The following STMN4 variants were observed in gnomAD, a reference collection of about 807,000 sequenced individuals.
The protein encoded by STMN4 is stathmin 4.
STMN4 carries 12 observed loss-of-function variants against 29.1 expected under a neutral mutation model. The observed-to-expected ratio is 0.41, with a 90% CI of 0.26 to 0.67. The LOEUF (loss-of-function observed/expected upper bound fraction) is 0.67. STMN4 is among the 30% of genes least tolerant of loss of function. The probability of loss-of-function intolerance (pLI) is 0.30; values close to 1 mark genes in which losing one functional copy is unlikely to be tolerated. For synonymous variants in STMN4, 114 were observed against 105.3 expected (o/e 1.08, Z -0.51); for missense variants, 181 against 262.8 (o/e 0.69, Z 2.15).
chr8:27,247,702 T>C (rs532228643), intron 1 of STMN4, among the ~76,000 whole-genome samples: 2 of 152,348 alleles, frequency 1.3e-5, no homozygotes, highest in South Asian at 2.1e-4. Context: ...AAAGGTGTTA[T>C]GCCCAAGGTC....
At chr8:27,252,797 C>T (rs1247223019) in intron 1 of STMN4, among the ~76,000 whole-genome samples, 1 of 152,174 alleles carries the variant, frequency 6.6e-6, no homozygotes, top group Admixed American at 6.5e-5. Context: ...CAAGACTACC[C>T]TAGATGTAAA....
intron 6 of STMN4, among the ~76,000 whole-genome samples, chr8:27,238,769 A>T (rs563482400): frequency 4.6e-5 from 7 of 152,206 alleles, no homozygotes; most frequent in Admixed American, 3.9e-4. Flanking sequence ...TGTTTTTCTC[A>T]TCTGCAAAAT....
chr8:27,255,252 C>A (rs1404231741), intron 1 of STMN4, among the ~76,000 whole-genome samples: 3 of 152,036 alleles, frequency 2.0e-5, no homozygotes, highest in African/African-American at 7.2e-5. Flanking sequence ...GGATTTGTTC[C>A]CTGAGTGGCG....
intron 1 of STMN4, among the ~76,000 whole-genome samples, chr8:27,257,598 G>A (rs565611228): frequency 1.6e-4 from 25 of 151,984 alleles, no homozygotes; most frequent in Admixed American, 3.9e-4. Flanking sequence ...GCACCGCCAC[G>A]TGGGGACAGC....
At chr8:27,245,790 T>C (rs1372002859) in intron 1 of STMN4, among the ~76,000 whole-genome samples, 1 of 151,840 alleles carries the variant, frequency 6.6e-6, no homozygotes, top group Non-Finnish European at 1.5e-5. Context: ...GCAGATGGAG[T>C]AGGAGCAGGC....
intron 1 of STMN4, among the ~76,000 whole-genome samples, chr8:27,246,216 G>A (rs1039211714): frequency 1.3e-5 from 2 of 152,184 alleles, no homozygotes; most frequent in African/African-American, 4.8e-5. Context: ...AGGAGTTTTA[G>A]GAACACAGAG....
In STMN4 at chr8:27,252,262, A is replaced by G. The variant is rs184214860; in HGVS notation, c.-79+6089T>C. Reference sequence around the variant, plus strand: ...TCTTTGCTATCGTGAATAATGCCGCAATAAACATACGTGTCCATGTGTCTT... The same window carrying G: ...TCTTTGCTATCGTGAATAATGCCGCGATAAACATACGTGTCCATGTGTCTT... On this transcript the variant is annotated intron_variant, in intron 1 of 6. Coordinates refer to ENST00000350889, the MANE Select transcript of STMN4 (RefSeq NM_030795.4). 8.1e-4 allele frequency among the ~76,000 whole-genome samples: 124 copies of G among 152,262 alleles called. 1 individual carries two copies. The highest frequency in any genetic ancestry group is 5.8e-4 in the East Asian group (3 of 5,188).
intron 1 of STMN4, among the ~76,000 whole-genome samples, chr8:27,255,500 A>C (rs541007721): frequency 1.4e-4 from 22 of 152,324 alleles, no homozygotes; most frequent in African/African-American, 4.6e-4. Flanking sequence ...TTGATACTTA[A>C]ATATCCTATT....
At chr8:27,240,751 C>T (rs1801446125) in intron 5 of STMN4, among the ~76,000 whole-genome samples, 1 of 152,184 alleles carries the variant, frequency 6.6e-6, no homozygotes, top group Non-Finnish European at 1.5e-5. Flanking sequence ...AATTCCCTAG[C>T]CTTTCCCTAA....
In STMN4 at chr8:27,241,597, G is replaced by A; in HGVS notation, c.190+80C>T. The A allele has an allele frequency of 2.0e-6, 3 of 1,517,578 alleles. No homozygotes were observed. In the African/African-American group the frequency reaches 4.1e-5, roughly 21 times the overall value. The allele number at this position is 1,517,578 out of a possible 1,614,324, so 94.0% of individuals were successfully genotyped here. A position where few individuals can be genotyped will look rare whatever the true frequency, so the allele number is the denominator to read the frequency against. On this transcript the variant is annotated intron_variant, in intron 4 of 6. Transcript: ENST00000350889. ...GTCGTCCGTGGTGACAGGCAGGGGT[G>A]CGTTTCAGCCCCCGCCCACCCCCGG...
At chr8:27,240,184 A>T (rs890786936) in intron 5 of STMN4, 22 bp from the exon 6 acceptor site, 1 of 1,608,862 alleles carries the variant, frequency 6.2e-7, no homozygotes, top group African/African-American at 1.3e-5. Flanking sequence ...TAAAGGCAGA[A>T]GGAGGCCCTT....
intron 6 of STMN4, among the ~76,000 whole-genome samples, chr8:27,238,519 G>A (rs1171749308): frequency 6.6e-6 from 1 of 152,114 alleles, no homozygotes; most frequent in African/African-American, 2.4e-5. Context: ...TGAATCTACC[G>A]ATCTCTCTGC....
intron 1 of STMN4, among the ~76,000 whole-genome samples, chr8:27,253,637 A>G (rs7819130): frequency 6.6e-6 from 1 of 152,086 alleles, no homozygotes; most frequent in African/African-American, 2.4e-5. Flanking sequence ...AAATATGCCA[A>G]TTATAACTAG....
At chr8:27,256,703 C>T (rs6984527) in intron 1 of STMN4, among the ~76,000 whole-genome samples, 44,861 of 152,100 alleles carry the variant, frequency 0.29, 7,453 homozygotes, top group African/African-American at 0.42. Flanking sequence ...TACTCTTATT[C>T]CATTTTATTA....
At chr8:27,250,988 C>A (rs1435793590) in intron 1 of STMN4, among the ~76,000 whole-genome samples, 1 of 151,330 alleles carries the variant, frequency 6.6e-6, no homozygotes, top group Non-Finnish European at 1.5e-5. Context: ...ATGGCTCATG[C>A]CTGTAATCCC....
chr8:27,242,780 C>T (rs570301031), intron 2 of STMN4, among the ~76,000 whole-genome samples: 1 of 152,176 alleles, frequency 6.6e-6, no homozygotes, highest in Non-Finnish European at 1.5e-5. Context: ...AAGCAAAATG[C>T]CCTCATGGAA....
chr8:27,245,658 T>C (rs1801603732), intron 1 of STMN4, among the ~76,000 whole-genome samples: 1 of 152,258 alleles, frequency 6.6e-6, no homozygotes, highest in South Asian at 2.1e-4. Flanking sequence ...GACAAGTCAC[T>C]GGCAGAGTTA....
intron 3 of STMN4, 21 bp downstream of exon 3, chr8:27,242,376 C>G (rs1034782705): frequency 1.9e-6 from 3 of 1,613,850 alleles, no homozygotes; most frequent in Non-Finnish European, 1.7e-6. Context: ...CCCTCACTTT[C>G]CTGGCTGAGC....
Position 27,236,638 on chromosome 8 carries a change from C to T in STMN4, c.*208G>A. ...AACTCTCTCCTCTCCCCTCTCCCAC[C>T]CCGTCATTGTTCCCCGGAAACAAAT... On this transcript the variant is annotated 3_prime_UTR_variant, in exon 7 of 7. Transcript: ENST00000350889. 1 of 450,438 alleles carries T rather than the reference C, an allele frequency of 2.2e-6. No homozygotes were observed. The highest frequency in any genetic ancestry group is 3.9e-6 in the Non-Finnish European group (1 of 257,516). The allele number at this position is 450,438 out of a possible 1,614,324, so 27.9% of individuals were successfully genotyped here. A position where few individuals can be genotyped will look rare whatever the true frequency, so the allele number is the denominator to read the frequency against.
Sources: gnomAD v4.1 joint callset for allele counts (sites outside exome capture counted in the v4.1 genomes callset) on GRCh38, gnomAD v4.1.1 for gene constraint, MANE v1.5 for transcripts, NCBI Gene and HGNC (gene_info 2026-07-23, HGNC 2026-07-21) for gene names.